ARSB: variants seen among roughly 807,000 people sequenced by gnomAD.
The protein encoded by ARSB is arylsulfatase B.
Under a neutral mutation model 50.9 loss-of-function variants are expected in ARSB, and 41 were observed. That is an observed-to-expected ratio of 0.81 (90% confidence interval 0.63 to 1.04). The LOEUF (loss-of-function observed/expected upper bound fraction) is 1.04. ARSB is among the 50% of genes least tolerant of loss of function. The pLI, the probability that ARSB is intolerant of heterozygous loss-of-function variation, is 0.00. For synonymous variants in ARSB, 269 were observed against 284.8 expected, an observed-to-expected ratio of 0.94 and a Z score of 0.56; for missense variants, 672 against 693.3, an observed-to-expected ratio of 0.97 and a Z score of 0.35.
At chr5:78,983,864 T>C (rs1017722615) in intron 1 of ARSB, among the ~76,000 whole-genome samples, 2 of 152,186 alleles carry the variant, frequency 1.3e-5, no homozygotes, top group African/African-American at 4.8e-5. Context: ...CATTCAAATA[T>C]ATATCCCCTG....
At chr5:78,901,364 G>A (rs1166027410) in intron 4 of ARSB, among the ~76,000 whole-genome samples, 1 of 152,110 alleles carries the variant, frequency 6.6e-6, no homozygotes, top group Non-Finnish European at 1.5e-5. Context: ...TTTATCCCAA[G>A]ACTGCAATCA....
chr5:78,781,875 C>T lies in ARSB; in HGVS notation c.1313G>A (p.Trp438Ter), dbSNP rs1249235558. Residue 438 changes from tryptophan (W) to a stop codon, truncating the protein, a stop_gained, in exon 7 of 8, where the codon TGG (tryptophan) becomes TAG (stop). Coordinates refer to ENST00000264914, the MANE Select transcript of ARSB (RefSeq NM_000046.5). LOFTEE classifies it high-confidence loss of function. ...SVHAAIRHGNWKLLTGYPGCG... is the reference protein window; with the variant it reads ...SVHAAIRHGN ...ACCTGGGTAGCCCGTGAGGAGTTTCCAATTTCCATGTCTAATTGCAGCATG... is the reference window on the plus strand; with the variant it reads ...ACCTGGGTAGCCCGTGAGGAGTTTCTAATTTCCATGTCTAATTGCAGCATG... The T allele has an allele frequency of 1.2e-6, 2 of 1,614,050 alleles. No homozygotes were observed. The highest frequency in any genetic ancestry group is 2.2e-5 in the East Asian group (1 of 44,888).
chr5:78,813,705 C>T (rs13186087), intron 6 of ARSB, among the ~76,000 whole-genome samples: 8,598 of 151,860 alleles, frequency 0.057, 321 homozygotes, highest in African/African-American at 0.1. Flanking sequence ...TGCAGTGAGC[C>T]GAGAGGATGC....
In ARSB at chr5:78,848,893, C is replaced by T. The variant is rs185547305; in HGVS notation, c.1143-9467G>A. 4.8e-5 allele frequency among the ~76,000 whole-genome samples: 7 copies of T among 144,728 alleles called. No homozygotes were observed. The East Asian group carries it at 5.8e-4, about 12-fold the overall frequency. The allele number at this position is 144,728 out of a possible 152,430, so 94.9% of individuals were successfully genotyped here. On this transcript the variant is annotated intron_variant, in intron 5 of 7. Transcript: ENST00000264914. ...CTTTTGAGAAGCGTCTGTTCATATC[C>T]TTTGCCCACTTGTTGATGGCGTTGT... is the stretch of plus-strand genomic sequence containing the variant.
intron 6 of ARSB, among the ~76,000 whole-genome samples, chr5:78,798,424 T>C (rs1412561819): frequency 6.6e-6 from 1 of 151,240 alleles, no homozygotes; most frequent in Non-Finnish European, 1.5e-5. Flanking sequence ...ACCCAAAATA[T>C]TCCTCTTCAG....
At chr5:78,950,314 C>A (rs374079034) in intron 4 of ARSB, among the ~76,000 whole-genome samples, 1 of 152,190 alleles carries the variant, frequency 6.6e-6, no homozygotes, top group East Asian at 1.9e-4. Context: ...AACTACAAGA[C>A]CAGAGAAGCT....
At chr5:78,892,426 T>C (rs1268381981) in intron 4 of ARSB, among the ~76,000 whole-genome samples, 1 of 152,068 alleles carries the variant, frequency 6.6e-6, no homozygotes, top group Non-Finnish European at 1.5e-5. Flanking sequence ...CAGCTAATTT[T>C]TGCATTTTTA....
chr5:78,919,125 C>T (rs1048864186), intron 4 of ARSB, among the ~76,000 whole-genome samples: 11 of 152,206 alleles, frequency 7.2e-5, no homozygotes, highest in African/African-American at 2.4e-4. Flanking sequence ...GAGAATGGAG[C>T]TCAATATTCC....
intron 4 of ARSB, among the ~76,000 whole-genome samples, chr5:78,909,125 A>T (rs1749194631): frequency 6.6e-6 from 1 of 152,218 alleles, no homozygotes; most frequent in Non-Finnish European, 1.5e-5. Flanking sequence ...CTCTTGGTCT[A>T]CTTCTGTCAC....
chr5:78,886,806 A>T (rs1421819370), intron 4 of ARSB, among the ~76,000 whole-genome samples: 1 of 152,198 alleles, frequency 6.6e-6, no homozygotes, highest in Non-Finnish European at 1.5e-5. Flanking sequence ...GAGCCACATG[A>T]GGGCAGTATG....
At chr5:78,837,873 G>T (rs530268476) in intron 6 of ARSB, among the ~76,000 whole-genome samples, 1 of 152,244 alleles carries the variant, frequency 6.6e-6, no homozygotes, top group African/African-American at 2.4e-5. Flanking sequence ...CTCAAACCTT[G>T]CCCTTGCCTC....
chr5:78,973,531 T>C (rs983614405), intron 1 of ARSB, among the ~76,000 whole-genome samples: 2 of 152,212 alleles, frequency 1.3e-5, no homozygotes, highest in Non-Finnish European at 1.5e-5. Context: ...TTCTGTCTTC[T>C]GCACACCTAG....
rs1748837194 is a variant in ARSB at position 78,778,632 on chromosome 5, A to G, written c.*1765T>C. ...TTGAGAACAGAAAAGCAACAGCTGG[A>G]AGACATTTATATTACCTCTGTATTC... On this transcript the variant is annotated 3_prime_UTR_variant, in exon 8 of 8. Coordinates refer to ENST00000264914, the MANE Select transcript of ARSB (RefSeq NM_000046.5). 3 of 152,336 alleles carry G rather than the reference A, an allele frequency of 2.0e-5. No homozygotes were observed. The South Asian group carries it at 6.2e-4, about 32-fold the overall frequency. The allele number at this position is 152,336 out of a possible 1,614,324, so 9.4% of individuals were successfully genotyped here. A position where few individuals can be genotyped will look rare whatever the true frequency, so the allele number is the denominator to read the frequency against.
At position 78,809,179 on chromosome 5, in the gene ARSB, T is replaced by C. The variant is rs376454819; in HGVS notation, c.1214-27205A>G. On this transcript the variant is annotated intron_variant, in intron 6 of 7. Coordinates refer to ENST00000264914, the MANE Select transcript of ARSB (RefSeq NM_000046.5). ...ATAATGGGCTAGAGCTACAGGTGCA[T>C]AGAACACGCTGAGCGGGCACCGAGG... Among the ~76,000 whole-genome samples, 4 of 152,144 alleles carry C rather than the reference T, an allele frequency of 2.6e-5. No homozygotes were observed. The South Asian group carries it at 6.2e-4, about 24-fold the overall frequency.
At chr5:78,935,617 C>T (rs554441362) in intron 4 of ARSB, among the ~76,000 whole-genome samples, 2 of 152,236 alleles carry the variant, frequency 1.3e-5, no homozygotes, top group African/African-American at 4.8e-5. Context: ...AAATAAAAAG[C>T]AAACCGGAGA....
At chr5:78,924,715 C>A (rs1378841180) in intron 4 of ARSB, among the ~76,000 whole-genome samples, 1 of 152,170 alleles carries the variant, frequency 6.6e-6, no homozygotes, top group African/African-American at 2.4e-5. Context: ...AGGTTTATTA[C>A]CAAGTTCCTA....
chr5:78,968,360 ATTT>A (rs869069655), intron 2 of ARSB, among the ~76,000 whole-genome samples: 2 of 110,918 alleles, frequency 1.8e-5, no homozygotes, highest in Admixed American at 9.4e-5. Flanking sequence ...TATTATTATT[ATTT>A]TTGAGACAGA....
intron 5 of ARSB, among the ~76,000 whole-genome samples, chr5:78,864,992 G>C (rs1238297107): frequency 6.6e-6 from 1 of 152,202 alleles, no homozygotes; most frequent in Non-Finnish European, 1.5e-5. Context: ...CTCCCTCCTG[G>C]CTGCTTTCAT....
intron 4 of ARSB, among the ~76,000 whole-genome samples, chr5:78,946,732 C>T (rs1187190930): frequency 6.6e-6 from 1 of 151,898 alleles, no homozygotes; most frequent in African/African-American, 2.4e-5. Context: ...CAATGCAATC[C>T]CTATCAAAAT....
Sources: allele counts gnomAD v4.1 joint callset (sites outside exome capture counted in the v4.1 genomes callset), GRCh38; gene constraint gnomAD v4.1.1; transcripts MANE v1.5; gene names NCBI Gene and HGNC (gene_info 2026-07-23, HGNC 2026-07-21).